The following RBFOX1 variants were observed in gnomAD, a reference collection of about 807,000 sequenced individuals.
RBFOX1 encodes RNA binding protein fox-1 homolog 1.
RBFOX1 carries 8 observed loss-of-function variants against 57.7 expected under a neutral mutation model. The observed-to-expected ratio is 0.14, with a 90% confidence interval of 0.08 to 0.25. The LOEUF (loss-of-function observed/expected upper bound fraction) is 0.25. Ranked by LOEUF, RBFOX1 falls within the 10% of genes least tolerant of loss-of-function variation. RBFOX1 has a pLI of 1.00. For missense variants in RBFOX1, 611 were observed against 548.5 expected (o/e 1.11, Z -1.14); for synonymous variants, 326 against 222.4 (o/e 1.47, Z -4.15).
At chr16:6,935,559 ATC>A (rs1267055512) in intron 3 of RBFOX1, among the ~76,000 whole-genome samples, 1 of 152,180 alleles carries the variant, frequency 6.6e-6, no homozygotes, top group Non-Finnish European at 1.5e-5. Context: ...TGCAGCCAAG[ATC>A]TGTTATCCTT....
intron 4 of RBFOX1, among the ~76,000 whole-genome samples, chr16:7,151,415 T>G (rs2076084653): frequency 1.3e-5 from 2 of 152,138 alleles, no homozygotes; most frequent in South Asian, 4.1e-4. Context: ...GTAAAGGGGT[T>G]AAACTAATGT....
In RBFOX1 at chr16:6,517,978, C is replaced by A. The variant is rs549735155; in HGVS notation, c.-63-136625C>A. Among the ~76,000 whole-genome samples, 5 of 152,242 alleles carry A rather than the reference C, an allele frequency of 3.3e-5. No homozygotes were observed. In the South Asian group the frequency reaches 1.0e-3, roughly 32 times the overall value. ...TGATGGCTATTTTGCATTTTGGAGA[C>A]ATGAGACCCACTGAGTTAAATGATG... On this transcript the variant is annotated intron_variant, in intron 2 of 15. Transcript: ENST00000550418.
chr16:6,977,291 A>C (rs557856432), intron 3 of RBFOX1, among the ~76,000 whole-genome samples: 2 of 151,670 alleles, frequency 1.3e-5, no homozygotes, highest in South Asian at 2.1e-4. Context: ...ATAAAGGATT[A>C]ATTTTCTTAA....
At chr16:6,192,511 G>A (rs1350936675) in intron 1 of RBFOX1, among the ~76,000 whole-genome samples, 2 of 151,898 alleles carry the variant, frequency 1.3e-5, no homozygotes, top group African/African-American at 4.8e-5. Context: ...CACATGCACA[G>A]CTCACACACC....
intron 1 of RBFOX1, among the ~76,000 whole-genome samples, chr16:5,329,982 CAA>C (rs71142613): frequency 1.5e-4 from 22 of 144,706 alleles, no homozygotes; most frequent in African/African-American, 5.6e-4. Flanking sequence ...GACTCTGTCT[CAA>C]AAAAAAAAAA....
At chr16:7,678,891 C>G (rs2074055768) in intron 14 of RBFOX1, among the ~76,000 whole-genome samples, 1 of 152,150 alleles carries the variant, frequency 6.6e-6, no homozygotes, top group Non-Finnish European at 1.5e-5. Context: ...TCTTTAATAA[C>G]TGCAATTCCA....
chr16:6,694,065 G>A (rs116998090), intron 3 of RBFOX1, among the ~76,000 whole-genome samples: 3,558 of 152,326 alleles, frequency 0.023, 56 homozygotes, highest in East Asian at 0.053. Context: ...CTCAGATGCT[G>A]AAATGTTTGA....
chr16:7,204,939 C>G (rs1188487801), intron 4 of RBFOX1, among the ~76,000 whole-genome samples: 1 of 152,314 alleles, frequency 6.6e-6, no homozygotes, highest in Middle Eastern at 3.4e-3. Flanking sequence ...CTATGCACTT[C>G]AACTTGAAAT....
intron 4 of RBFOX1, among the ~76,000 whole-genome samples, chr16:7,448,121 G>C (rs1444280887): frequency 1.3e-5 from 2 of 152,230 alleles, no homozygotes; most frequent in East Asian, 3.8e-4. Flanking sequence ...CTCAAAGGAT[G>C]AATGGCAGCT....
At chr16:5,538,379 A>G (rs375083383) in intron 2 of RBFOX1, among the ~76,000 whole-genome samples, 1 of 152,104 alleles carries the variant, frequency 6.6e-6, no homozygotes, top group Non-Finnish European at 1.5e-5. Context: ...GGAATGTGGC[A>G]TTGCCATGGG....
At chr16:5,517,769 C>T (rs190374080) in intron 2 of RBFOX1, among the ~76,000 whole-genome samples, 6 of 152,156 alleles carry the variant, frequency 3.9e-5, no homozygotes, top group Admixed American at 1.3e-4. Context: ...AATTCATATC[C>T]AAGAGCTCAA....
chr16:7,550,511 C>T (rs754105635), intron 5 of RBFOX1, among the ~76,000 whole-genome samples: 12 of 152,116 alleles, frequency 7.9e-5, no homozygotes, highest in Admixed American at 1.3e-4. Flanking sequence ...ATCAATAAAA[C>T]GACCAAATTA....
intron 2 of RBFOX1, among the ~76,000 whole-genome samples, chr16:6,653,435 C>G (rs1252873028): frequency 6.6e-6 from 1 of 152,110 alleles, no homozygotes; most frequent in Non-Finnish European, 1.5e-5. Context: ...GAAATATCTT[C>G]CATTTGAATA....
intron 2 of RBFOX1, among the ~76,000 whole-genome samples, chr16:6,385,926 CTTTT>C (rs1171577270): frequency 1.6e-5 from 2 of 126,130 alleles, no homozygotes; most frequent in African/African-American, 5.5e-5. Context: ...GAACTCATTT[CTTTT>C]TTTTCTTTCT....
At chr16:6,370,987 C>T (rs373414549) in intron 2 of RBFOX1, among the ~76,000 whole-genome samples, 82 of 152,104 alleles carry the variant, frequency 5.4e-4, no homozygotes, top group African/African-American at 1.9e-3. Flanking sequence ...CTTTATGATC[C>T]CAGTTGGGGT....
chr16:6,084,971 G>C lies in RBFOX1; in HGVS notation c.-127+64979G>C, dbSNP rs368751005. ...GAAAAAAAGAGCTTGATAGTGATCA[G>C]AGTTCATTTGCAGAAGTGGTTTCCT... On this transcript the variant is annotated intron_variant, in intron 1 of 15. Transcript: ENST00000550418. 4.1e-4 allele frequency among the ~76,000 whole-genome samples: 62 copies of C among 152,324 alleles called. 1 individual carries two copies. Among genetic ancestry groups the C allele is most frequent in the South Asian group, 3.5e-3 (17 of 4,820 alleles).
chr16:6,755,118 G>T (rs138775956), intron 3 of RBFOX1, among the ~76,000 whole-genome samples: 2,043 of 152,206 alleles, frequency 0.013, 36 homozygotes, highest in Middle Eastern at 0.048. Context: ...TGGACATTTG[G>T]GTTGGTTCCA....
chr16:6,136,535 C>T (rs747261950), intron 1 of RBFOX1, among the ~76,000 whole-genome samples: 2 of 152,116 alleles, frequency 1.3e-5, no homozygotes, highest in African/African-American at 2.4e-5. Context: ...TAGAAACTAC[C>T]CATTATTATG....
At chr16:7,085,172 A>G (rs547423163) in intron 4 of RBFOX1, among the ~76,000 whole-genome samples, 1 of 152,296 alleles carries the variant, frequency 6.6e-6, no homozygotes, top group East Asian at 1.9e-4. Flanking sequence ...AAATGCCTCC[A>G]AGGGCCAGGC....
Sources: allele counts gnomAD v4.1 joint callset (sites outside exome capture counted in the v4.1 genomes callset), GRCh38; gene constraint gnomAD v4.1.1; transcripts MANE v1.5; gene names NCBI Gene and HGNC (gene_info 2026-07-23, HGNC 2026-07-21).